Variants in TOM1L1 observed in about 807,000 individuals in gnomAD.
TOM1L1 encodes target of myb1 like 1 membrane trafficking protein.
In TOM1L1, 64 loss-of-function variants were observed where a neutral mutation model predicts 63.4. The observed-to-expected ratio is 1.01, with a 90% CI of 0.83 to 1.24. The LOEUF (loss-of-function observed/expected upper bound fraction) is 1.24, where lower values mean the gene tolerates loss of function less well. Ranked by LOEUF, TOM1L1 falls within the 50% of genes most tolerant of loss-of-function variation. The probability of loss-of-function intolerance (pLI) is 0.00; values close to 1 mark genes in which losing one functional copy is unlikely to be tolerated. For missense variants in TOM1L1, 536 were observed against 567.0 expected, an observed-to-expected ratio of 0.95 and a Z score of 0.55; for synonymous variants, 166 against 194.4, an observed-to-expected ratio of 0.85 and a Z score of 1.22.
At chr17:54,918,675 A>C (rs1038628290) in intron 7 of TOM1L1, among the ~76,000 whole-genome samples, 1 of 152,036 alleles carries the variant, frequency 6.6e-6, no homozygotes, top group African/African-American at 2.4e-5. Context: ...GCAAGACAAG[A>C]CTCTAGAAAA....
chr17:54,936,595 A>G (rs1313545254), intron 8 of TOM1L1, 54 bp from the exon 9 acceptor site: 1 of 1,435,622 alleles, frequency 7.0e-7, no homozygotes, highest in African/African-American at 1.4e-5. Context: ...TTAGATTTTT[A>G]TAGCATTTTC....
At chr17:54,951,730 G>A (rs776423815) in intron 14 of TOM1L1, among the ~76,000 whole-genome samples, 1 of 152,196 alleles carries the variant, frequency 6.6e-6, no homozygotes, top group Non-Finnish European at 1.5e-5. Flanking sequence ...TAGATACTCT[G>A]TCAACACGAA....
At chr17:54,946,457 G>T (rs1354127725) in intron 11 of TOM1L1, among the ~76,000 whole-genome samples, 1 of 152,130 alleles carries the variant, frequency 6.6e-6, no homozygotes, top group African/African-American at 2.4e-5. Flanking sequence ...AAAGCTGTGG[G>T]TATCACAGCT....
chr17:54,925,909 A>AC, intron 7 of TOM1L1, among the ~76,000 whole-genome samples: 1 of 97,594 alleles, frequency 1.0e-5, no homozygotes, highest in Non-Finnish European at 2.1e-5. Flanking sequence ...TCTCAAACAA[A>AC]AAACAACAAC....
chr17:54,915,970 T>A, intron 7 of TOM1L1, 108 bp downstream of exon 7: 1 of 702,466 alleles, frequency 1.4e-6, no homozygotes, highest in Non-Finnish European at 2.4e-6. Flanking sequence ...TACATCCTCC[T>A]ACATCCTGAT....
chr17:54,922,081 A>G (rs1388573719), intron 7 of TOM1L1, among the ~76,000 whole-genome samples: 2 of 151,864 alleles, frequency 1.3e-5, no homozygotes, highest in Admixed American at 1.3e-4. Flanking sequence ...TCATGAGGTC[A>G]GGAGGTGGAG....
At chr17:54,918,481 T>G (rs1323912671) in intron 7 of TOM1L1, among the ~76,000 whole-genome samples, 1 of 152,034 alleles carries the variant, frequency 6.6e-6, no homozygotes, top group East Asian at 1.9e-4. Flanking sequence ...CGTGGGAGTA[T>G]AAAATTCCAG....
chr17:54,947,457 T>C (rs1387196644), intron 12 of TOM1L1, 145 bp downstream of exon 12: 1 of 870,048 alleles, frequency 1.1e-6, no homozygotes, highest in Non-Finnish European at 1.8e-6. Context: ...AGGATCAAAA[T>C]TTTTTTGGAG....
intron 12 of TOM1L1, among the ~76,000 whole-genome samples, chr17:54,948,487 T>C (rs1332218259): frequency 6.6e-6 from 1 of 152,170 alleles, no homozygotes; most frequent in Non-Finnish European, 1.5e-5. Context: ...GACTGTGAAC[T>C]TGTGTCCTCT....
At chr17:54,904,106 G>A (rs1038057828) in intron 2 of TOM1L1, among the ~76,000 whole-genome samples, 1 of 152,128 alleles carries the variant, frequency 6.6e-6, no homozygotes, top group South Asian at 2.1e-4. Flanking sequence ...AGTGGCTCAC[G>A]CCTGTAATCC....
intron 4 of TOM1L1, 94 bp downstream of exon 4, chr17:54,912,909 C>A (rs2048519600): frequency 2.7e-6 from 3 of 1,131,982 alleles, no homozygotes; most frequent in African/African-American, 3.2e-5. Flanking sequence ...TTTTATATAT[C>A]TAGGATTGAG....
chr17:54,920,689 C>T (rs1476217452), intron 7 of TOM1L1, among the ~76,000 whole-genome samples: 3 of 152,206 alleles, frequency 2.0e-5, no homozygotes, highest in Non-Finnish European at 4.4e-5. Context: ...TGTCCTCTGT[C>T]CTCTGCTGTC....
chr17:54,961,893 C>T lies in TOM1L1; in HGVS notation c.*660C>T, dbSNP rs1014138709. 1 of 908,980 alleles carries T rather than the reference C, an allele frequency of 1.1e-6. No individual in the cohort carries two copies. The highest frequency in any genetic ancestry group is 1.8e-5 in the African/African-American group (1 of 55,542). 56.3% of individuals were successfully genotyped at this position (908,980 alleles called of 1,614,324 possible). On this transcript the variant is annotated 3_prime_UTR_variant, in exon 16 of 16. Transcript: ENST00000575882. ...CAACTTAATATTTCTATTTAGAACA[C>T]AGAAAATGAAAATATTTAGAATAAG...
intron 3 of TOM1L1, among the ~76,000 whole-genome samples, chr17:54,905,806 A>G (rs552298091): frequency 9.7e-4 from 148 of 152,322 alleles, no homozygotes; most frequent in Non-Finnish European, 1.9e-3. Context: ...TTCCTGAAAA[A>G]TCAATTTTTC....
At chr17:54,960,732 C>A in intron 15 of TOM1L1, 105 bp downstream of exon 15, 1 of 823,470 alleles carries the variant, frequency 1.2e-6, no homozygotes, top group Non-Finnish European at 2.0e-6. Context: ...CCATCTGAGT[C>A]TGACACTTTG....
chr17:54,953,272 G>A (rs557333791), intron 14 of TOM1L1: 2 of 152,656 alleles, frequency 1.3e-5, no homozygotes, highest in African/African-American at 4.8e-5. Flanking sequence ...GAGAGGCTAA[G>A]GTGGGAGGAC....
chr17:54,938,993 T>C lies in TOM1L1; in HGVS notation c.1103T>C (p.Leu368Pro). The change falls in exon 11 of 16, where the codon CTA becomes CCA. Residue 368 changes from leucine to proline, a missense_variant. Transcript: ENST00000575882. ...KPSLHPQMNLLALENTEIPPF... is the reference protein window; with the variant it reads ...KPSLHPQMNLPALENTEIPPF... ...AGTCTTCATCCACAGATGAACTTGCTAGCCTTGGAGAATACAGAGATACCC... is the reference window on the plus strand; with the variant it reads ...AGTCTTCATCCACAGATGAACTTGCCAGCCTTGGAGAATACAGAGATACCC... 1 of 1,612,330 alleles carries C rather than the reference T, an allele frequency of 6.2e-7. No individual in the cohort carries two copies.
chr17:54,961,061 C>T, intron 15 of TOM1L1, 174 bp from the exon 16 acceptor site: 1 of 613,306 alleles, frequency 1.6e-6, no homozygotes, highest in East Asian at 2.8e-5. Flanking sequence ...CACCAATGAA[C>T]TATCAAAACT....
Position 54,915,872 on chromosome 17 carries a change from G to A in TOM1L1, c.720+10G>A, listed in dbSNP as rs777371043. 5.0e-6 allele frequency: 8 copies of A among 1,592,488 alleles called. No individual in the cohort carries two copies. The highest frequency in any genetic ancestry group is 1.7e-4 in the Middle Eastern group (1 of 6,012). ...CATAGAGCTTCTGCAGGTGTTGTAC[G>A]ATTTCAGGGACTATCAGTCAAAGTG... is the stretch of plus-strand genomic sequence containing the variant. On this transcript the variant is annotated intron_variant, in intron 7 of 15. Coordinates refer to ENST00000575882, the MANE Select transcript of TOM1L1 (RefSeq NM_005486.3).
Sources: gnomAD v4.1 joint callset for allele counts (sites outside exome capture counted in the v4.1 genomes callset) on GRCh38, gnomAD v4.1.1 for gene constraint, MANE v1.5 for transcripts, NCBI Gene and HGNC (gene_info 2026-07-23, HGNC 2026-07-21) for gene names.